Variants in RHOBTB1 observed in about 807,000 individuals in gnomAD.
RHOBTB1 encodes the protein Rho related BTB domain containing 1, also known as rho-related BTB domain-containing protein 1.
RHOBTB1 carries 40 observed loss-of-function variants against 71.6 expected under a neutral mutation model. The observed-to-expected ratio is 0.56, with a 90% CI of 0.43 to 0.73. The LOEUF (loss-of-function observed/expected upper bound fraction) is 0.73, where lower values mean the gene tolerates loss of function less well. Among genes scored for constraint, RHOBTB1 ranks in the 30% least tolerant of loss-of-function variants. The probability of loss-of-function intolerance (pLI) is 0.00; values close to 1 mark genes in which losing one functional copy is unlikely to be tolerated. For missense variants in RHOBTB1, 797 were observed against 894.0 expected, an observed-to-expected ratio of 0.89 and a Z score of 1.38; for synonymous variants, 319 against 334.9, an observed-to-expected ratio of 0.95 and a Z score of 0.52.
chr10:60,886,837 G>T (rs1448818935), intron 6 of RHOBTB1, among the ~76,000 whole-genome samples: 1 of 151,322 alleles, frequency 6.6e-6, no homozygotes, highest in East Asian at 1.9e-4. Context: ...ACCATGCCTG[G>T]CTATATGTGT....
chr10:60,928,897 A>T (rs2084056200), intron 2 of RHOBTB1, among the ~76,000 whole-genome samples: 1 of 152,156 alleles, frequency 6.6e-6, no homozygotes, highest in African/African-American at 2.4e-5. Context: ...TAAAGAAAAG[A>T]GGTGTAGCTG....
chr10:60,894,400 A>G (rs1405971064), intron 4 of RHOBTB1, among the ~76,000 whole-genome samples: 1 of 152,146 alleles, frequency 6.6e-6, no homozygotes, highest in African/African-American at 2.4e-5. Flanking sequence ...TTGAATAAAG[A>G]TATCAAGATT....
At chr10:60,926,903 T>G (rs1001466995) in intron 2 of RHOBTB1, among the ~76,000 whole-genome samples, 1 of 152,030 alleles carries the variant, frequency 6.6e-6, no homozygotes, top group Non-Finnish European at 1.5e-5. Flanking sequence ...GAGAAAGAAA[T>G]AAAGGACATT....
intron 2 of RHOBTB1, 77 bp from the exon 3 acceptor site, chr10:60,911,629 A>T: frequency 8.0e-7 from 1 of 1,245,666 alleles, no homozygotes; most frequent in Non-Finnish European, 1.2e-6. Flanking sequence ...AGGTTCAGGG[A>T]GTTTTGCCTT....
intron 2 of RHOBTB1, among the ~76,000 whole-genome samples, chr10:60,968,189 A>G (rs2086036567): frequency 1.3e-5 from 2 of 152,150 alleles, no homozygotes; most frequent in South Asian, 2.1e-4. Flanking sequence ...CTGGTGCTCA[A>G]TGTGTCTCTG....
chr10:60,977,534 A>G (rs2086356055), intron 2 of RHOBTB1, among the ~76,000 whole-genome samples: 1 of 152,118 alleles, frequency 6.6e-6, no homozygotes, highest in Admixed American at 6.6e-5. Context: ...GCAGAGGCAA[A>G]TGATAAGATT....
chr10:60,867,264 T>C (rs1051472675), downstream of RHOBTB1, among the ~76,000 whole-genome samples: 1 of 152,234 alleles, frequency 6.6e-6, no homozygotes, highest in African/African-American at 2.4e-5. Context: ...ATTTATTTTT[T>C]ATCATATTGG....
intron 6 of RHOBTB1, 68 bp downstream of exon 6, chr10:60,888,143 TC>T: frequency 6.6e-7 from 1 of 1,518,486 alleles, no homozygotes; most frequent in African/African-American, 1.4e-5. Flanking sequence ...TTTCTCCTGC[TC>T]ATGTCTGGCT....
chr10:60,887,192 T>C (rs575510367), intron 6 of RHOBTB1, among the ~76,000 whole-genome samples: 1 of 152,338 alleles, frequency 6.6e-6, no homozygotes, highest in East Asian at 1.9e-4. Context: ...TTTAAGTTAC[T>C]GTAGGTTTGT....
At chr10:60,918,879 T>C (rs1280911593) in intron 2 of RHOBTB1, among the ~76,000 whole-genome samples, 4 of 152,070 alleles carry the variant, frequency 2.6e-5, no homozygotes, top group Admixed American at 2.0e-4. Context: ...CCCGAGTAGC[T>C]GGGATTATAG....
Position 60,969,069 on chromosome 10 carries a change from T to C in RHOBTB1, c.-62+16776A>G, listed in dbSNP as rs995544294. ...GCTGATGCAAAGTTAGGATTTCACT[T>C]ACTGAGTAAGTGAGATGACAGAATT... On this transcript the variant is annotated intron_variant, in intron 2 of 11. Coordinates refer to the RHOBTB1 transcript ENST00000357917. Among the ~76,000 whole-genome samples the C allele has an allele frequency of 2.6e-5, 4 of 152,252 alleles. No individual in the cohort carries two copies. In the East Asian group the frequency reaches 5.8e-4, roughly 22 times the overall value.
At chr10:60,946,592 T>C (rs2084345272), upstream of RHOBTB1, among the ~76,000 whole-genome samples, 1 of 152,224 alleles carries the variant, frequency 6.6e-6, no homozygotes, top group African/African-American at 2.4e-5. Flanking sequence ...CCTGGGGTTG[T>C]CTGTGCCAAA....
At chr10:60,903,230 T>C (rs1177451750) in intron 4 of RHOBTB1, among the ~76,000 whole-genome samples, 1 of 152,152 alleles carries the variant, frequency 6.6e-6, no homozygotes, top group Non-Finnish European at 1.5e-5. Flanking sequence ...TCTAACATAA[T>C]GCATGTTTGT....
intron 2 of RHOBTB1, among the ~76,000 whole-genome samples, chr10:60,982,236 C>T (rs1271947056): frequency 5.3e-5 from 8 of 152,134 alleles, no homozygotes; most frequent in Non-Finnish European, 1.2e-4. Flanking sequence ...CTCCTAAAGG[C>T]ACCTATATAT....
At chr10:60,873,064 C>G (rs1289093402) in intron 9 of RHOBTB1, among the ~76,000 whole-genome samples, 4 of 152,104 alleles carry the variant, frequency 2.6e-5, no homozygotes, top group Non-Finnish European at 5.9e-5. Flanking sequence ...TCTGTGGCCC[C>G]ATATCTCCAC....
At chr10:60,982,313 C>A (rs1203241919) in intron 2 of RHOBTB1, among the ~76,000 whole-genome samples, 2 of 152,158 alleles carry the variant, frequency 1.3e-5, no homozygotes, top group East Asian at 1.9e-4. Flanking sequence ...GCTTGCTGAA[C>A]TGTTGACAGT....
intron 4 of RHOBTB1, among the ~76,000 whole-genome samples, chr10:60,901,964 A>G (rs1488239154): frequency 6.6e-6 from 1 of 152,210 alleles, no homozygotes; most frequent in Non-Finnish European, 1.5e-5. Flanking sequence ...AGCAGCCAAA[A>G]TCCTTCCTGG....
intron 2 of RHOBTB1, among the ~76,000 whole-genome samples, chr10:60,984,225 A>G: frequency 6.6e-6 from 1 of 152,252 alleles, no homozygotes; most frequent in East Asian, 1.9e-4. Flanking sequence ...ATCAAAGCAA[A>G]AAAATCATTG....
At chr10:60,973,135 T>C (rs2086215845) in intron 2 of RHOBTB1, among the ~76,000 whole-genome samples, 1 of 152,050 alleles carries the variant, frequency 6.6e-6, no homozygotes, top group Non-Finnish European at 1.5e-5. Context: ...CAATATGGAC[T>C]GCCTCAAATA....
Sources: allele counts gnomAD v4.1 joint callset (sites outside exome capture counted in the v4.1 genomes callset), GRCh38; gene constraint gnomAD v4.1.1; transcripts MANE v1.5; gene names NCBI Gene and HGNC (gene_info 2026-07-23, HGNC 2026-07-21).